VWF: variants seen among roughly 807,000 people sequenced by gnomAD.
VWF encodes the protein Factor VIII related antigen.
A neutral mutation model predicts 308.6 loss-of-function variants in VWF; 176 were observed. The observed-to-expected ratio is 0.57, with a 90% confidence interval of 0.50 to 0.65. The LOEUF (loss-of-function observed/expected upper bound fraction) is 0.65. Among genes scored for constraint, VWF ranks in the 30% least tolerant of loss-of-function variants. The pLI, the probability that VWF is intolerant of heterozygous loss-of-function variation, is 0.00. For missense variants in VWF, 3,146 were observed against 3,648.2 expected, an observed-to-expected ratio of 0.86 and a Z score of 3.55; for synonymous variants, 1,385 against 1,443.4, an observed-to-expected ratio of 0.96 and a Z score of 0.92.
rs911922885 is a variant in VWF, at chr12:6,016,583, G to A, written c.5244C>T (p.Val1748=). ...ITTIDVPWNV[V]PEKAHLLSLV... is the part of the protein sequence containing the mutation. The stretch of plus-strand genomic sequence containing the variant: ...GGCTCAGCAAATGGGCTTTCTCCGG[G>A]ACCACGTTCCATGGCACGTCAATGG... The change falls in exon 30 of 52, where the codon GTC becomes GTT. Residue 1748 remains valine (V), a synonymous_variant. Transcript: ENST00000261405. 4 of 1,614,046 alleles carry A rather than the reference G, an allele frequency of 2.5e-6. No individual in the cohort carries two copies. The highest frequency in any genetic ancestry group is 2.7e-5 in the African/African-American group (2 of 74,912).
chr12:6,084,441 G>A (rs1308197650), intron 6 of VWF, among the ~76,000 whole-genome samples: 2 of 152,172 alleles, frequency 1.3e-5, no homozygotes, highest in African/African-American at 4.8e-5. Context: ...CTGGGTTGGT[G>A]TGCAGGCCCA....
intron 27 of VWF, chr12:6,021,141 C>G (rs1200648020): frequency 3.3e-5 from 5 of 152,238 alleles, no homozygotes; most frequent in South Asian, 2.1e-4. Flanking sequence ...AGTGTTCATT[C>G]TTGTTTGTAC....
Position 5,952,464 on chromosome 12 carries a change from C to T in VWF, c.8042G>A (p.Arg2681Lys). ...CCTCTTCTCCCAGAAGTACTCTCCT[C>T]TCTCATTGACCTTGCAGAAGTGAGT... The part of the protein sequence containing the change: ...CDTHFCKVNE[R>K]GEYFWEKRVT... Residue 2681 changes from arginine to lysine, a missense_variant, in exon 49 of 52, where the codon AGA becomes AAA. By Grantham distance (26) the Arg-to-Lys change is conservative (BLOSUM62 2). Around this residue, in one of 3 missense-constraint regions of VWF, gnomAD observed 989 missense variants for 1,117.4 expected, o/e 0.89. Coordinates refer to ENST00000261405, the MANE Select transcript of VWF (RefSeq NM_000552.5). 1 of 1,614,198 alleles carries T rather than the reference C, an allele frequency of 6.2e-7. No homozygotes were observed. The highest frequency in any genetic ancestry group is 8.5e-7 in the Non-Finnish European group (1 of 1,180,012).
At chr12:6,119,951 T>C (rs1230364514) in intron 3 of VWF, among the ~76,000 whole-genome samples, 1 of 152,124 alleles carries the variant, frequency 6.6e-6, no homozygotes, top group Non-Finnish European at 1.5e-5. Flanking sequence ...CCTGAGGAGC[T>C]CATGGAGGAG....
chr12:6,026,693 G>T (rs375804033), intron 22 of VWF, among the ~76,000 whole-genome samples: 1 of 152,156 alleles, frequency 6.6e-6, no homozygotes, highest in South Asian at 2.1e-4. Context: ...TCTAGTGTTC[G>T]GTAGCACCAC....
Position 6,046,638 on chromosome 12 carries a change from G to A in VWF, c.2281+85C>T. ...TGGGTGCACACGCACATCTGACGGT[G>A]TCACCCAGCTCTCTCCCGCCATTCC... On this transcript the variant is annotated intron_variant, in intron 17 of 51. Coordinates refer to ENST00000261405, the MANE Select transcript of VWF (RefSeq NM_000552.5). This position sits in a 1 kb window ranked among gnomAD's most constrained non-coding sequence, Gnocchi z 5.0. The A allele has an allele frequency of 7.5e-7, 1 of 1,333,884 alleles. No individual in the cohort carries two copies. Among genetic ancestry groups the A allele is most frequent in the Non-Finnish European group, 1.1e-6 (1 of 926,982 alleles). The allele number at this position is 1,333,884 out of a possible 1,614,324, so 82.6% of individuals were successfully genotyped here.
At chr12:5,950,578 C>G (rs999840511) in intron 50 of VWF, among the ~76,000 whole-genome samples, 2 of 152,076 alleles carry the variant, frequency 1.3e-5, no homozygotes, top group Non-Finnish European at 2.9e-5. Context: ...TAAATCAACC[C>G]TAACTACATA....
At chr12:5,969,160 A>C (rs377070460) in intron 45 of VWF, 51 bp downstream of exon 45, 18 of 1,569,542 alleles carry the variant, frequency 1.1e-5, no homozygotes, top group Non-Finnish European at 1.1e-5. Flanking sequence ...GTGGAAAGAG[A>C]GGCTTAAAGG....
intron 40 of VWF, 64 bp from the exon 41 acceptor site, chr12:5,983,318 A>G: frequency 6.7e-7 from 1 of 1,497,942 alleles, no homozygotes; most frequent in Non-Finnish European, 9.1e-7. Context: ...ATTACCTGTG[A>G]GTGGGATGCT....
intron 47 of VWF, among the ~76,000 whole-genome samples, chr12:5,956,636 G>A (rs561170652): frequency 5.1e-4 from 73 of 143,696 alleles, no homozygotes; most frequent in South Asian, 3.2e-3. Context: ...ATGAGACCCT[G>A]TCTCGAAAAA....
chr12:6,013,380 A>G, intron 32 of VWF, 101 bp downstream of exon 32: 1 of 1,453,916 alleles, frequency 6.9e-7, no homozygotes, highest in South Asian at 1.1e-5. Context: ...AATCTTATGC[A>G]TGGGCACCCT....
chr12:6,064,404 G>A lies in VWF; in HGVS notation c.1294-20C>T, dbSNP rs775102214. 4 of 1,613,724 alleles carry A rather than the reference G, an allele frequency of 2.5e-6. No homozygotes were observed. The highest frequency in any genetic ancestry group is 3.4e-6 in the Non-Finnish European group (4 of 1,180,004). ...AGCACACTGCCAAGAGGGAACACAG[G>A]GTGACTTTGCTGCACCCCCTGCCTA... On this transcript the variant is annotated intron_variant, in intron 11 of 51. Coordinates refer to ENST00000261405, the MANE Select transcript of VWF (RefSeq NM_000552.5).
intron 5 of VWF, among the ~76,000 whole-genome samples, chr12:6,102,181 C>T (rs1281099165): frequency 6.6e-6 from 1 of 152,264 alleles, no homozygotes; most frequent in Non-Finnish European, 1.5e-5. Context: ...GTGGCTCACA[C>T]CTGTAATCCC....
intron 38 of VWF, among the ~76,000 whole-genome samples, chr12:5,985,875 C>T (rs1021986339): frequency 6.6e-6 from 1 of 152,200 alleles, no homozygotes; most frequent in African/African-American, 2.4e-5. Flanking sequence ...GCTTTGTAAA[C>T]TAACATGCGG....
intron 21 of VWF, among the ~76,000 whole-genome samples, chr12:6,030,194 T>C (rs972223584): frequency 1.3e-5 from 2 of 152,206 alleles, no homozygotes; most frequent in African/African-American, 4.8e-5. Context: ...ATTAGTAACA[T>C]ATCACATGCA....
rs79907021 is a variant in VWF at position 6,123,491 on chromosome 12, G to A, written c.1-295C>T. On this transcript the variant is annotated intron_variant, in intron 1 of 51. Coordinates refer to ENST00000261405, the MANE Select transcript of VWF (RefSeq NM_000552.5). ...AAAACGCTGCCTTCCCTCCAGGCCCGCTGGGCCTCACATCCCTGCCTCCTG... is the reference window on the plus strand; with the variant it reads ...AAAACGCTGCCTTCCCTCCAGGCCCACTGGGCCTCACATCCCTGCCTCCTG... 5.1e-3 allele frequency among the ~76,000 whole-genome samples: 769 copies of A among 152,264 alleles called. 6 individuals carry two copies. The highest frequency in any genetic ancestry group is 0.018 in the African/African-American group (738 of 41,550).
intron 47 of VWF, among the ~76,000 whole-genome samples, chr12:5,959,071 G>A (rs1456263443): frequency 6.6e-6 from 1 of 152,030 alleles, no homozygotes; most frequent in Non-Finnish European, 1.5e-5. Context: ...GTTGGACATG[G>A]TGGCACACAC....
intron 47 of VWF, among the ~76,000 whole-genome samples, chr12:5,957,831 T>C (rs182136480): frequency 1.3e-5 from 2 of 152,238 alleles, no homozygotes; most frequent in Admixed American, 1.3e-4. Context: ...AATATGTAGG[T>C]AAATATAAAT....
intron 6 of VWF, among the ~76,000 whole-genome samples, chr12:6,081,662 G>A (rs1452590572): frequency 6.6e-6 from 1 of 152,078 alleles, no homozygotes; most frequent in Non-Finnish European, 1.5e-5. Context: ...TTAAGGTGAG[G>A]TCCAGGGATC....
Sources: allele counts gnomAD v4.1 joint callset (sites outside exome capture counted in the v4.1 genomes callset), GRCh38; gene constraint gnomAD v4.1.1; regional missense constraint gnomAD v4.1.1; non-coding constraint Gnocchi (gnomAD v3.1); transcripts MANE v1.5; gene names NCBI Gene and HGNC (gene_info 2026-07-23, HGNC 2026-07-21).